Variants in ULK4 observed in about 807,000 individuals in gnomAD.
The protein encoded by ULK4 is inactive serine/threonine-protein kinase ULK4.
Under a neutral mutation model 160.6 loss-of-function variants are expected in ULK4, and 133 were observed. The ratio of observed to expected loss-of-function variants is 0.83; its 90% CI spans 0.72 to 0.96. The LOEUF (loss-of-function observed/expected upper bound fraction) is 0.96, where lower values mean the gene tolerates loss of function less well. Ranked by LOEUF, ULK4 falls within the 40% of genes least tolerant of loss-of-function variation. ULK4 has a pLI of 0.00. For missense variants in ULK4, 1,580 were observed against 1,499.5 expected (o/e 1.05, Z -0.89); for synonymous variants, 534 against 539.8 (o/e 0.99, Z 0.15).
At chr3:41,300,837 T>TTATATATATATATATATA (rs66602936) in intron 35 of ULK4, among the ~76,000 whole-genome samples, 1 of 57,872 alleles carries the variant, frequency 1.7e-5, no homozygotes, top group Non-Finnish European at 4.1e-5. Flanking sequence ...ATTTTACAGA[T>TTATATATATATATATATA]TATATATATA....
chr3:41,686,679 C>A (rs2125798609), intron 27 of ULK4, among the ~76,000 whole-genome samples: 1 of 152,250 alleles, frequency 6.6e-6, no homozygotes, highest in South Asian at 2.1e-4. Context: ...GGCCCCAAAT[C>A]CCTGGAGGTC....
At chr3:41,592,708 TTAA>T (rs2031435683) in intron 31 of ULK4, among the ~76,000 whole-genome samples, 2 of 152,204 alleles carry the variant, frequency 1.3e-5, no homozygotes, top group Non-Finnish European at 2.9e-5. Flanking sequence ...ACATTGAGAA[TTAA>T]TGTGTTTTAT....
At chr3:41,480,124 G>A (rs1014515640) in intron 32 of ULK4, among the ~76,000 whole-genome samples, 23 of 150,510 alleles carry the variant, frequency 1.5e-4, no homozygotes, top group Non-Finnish European at 1.2e-4. Flanking sequence ...GGAGAATGAC[G>A]TGAACCTGGG....
At chr3:41,890,322 G>T (rs1697873977) in intron 16 of ULK4, among the ~76,000 whole-genome samples, 2 of 152,046 alleles carry the variant, frequency 1.3e-5, no homozygotes, top group Non-Finnish European at 2.9e-5. Flanking sequence ...CATCCTGTAG[G>T]GGTTTCAGGA....
intron 17 of ULK4, among the ~76,000 whole-genome samples, chr3:41,842,320 GA>G (rs1000929462): frequency 1.3e-5 from 2 of 151,586 alleles, no homozygotes; most frequent in African/African-American, 2.4e-5. Context: ...AGGGAAAAAA[GA>G]AAAAAAATGG....
In ULK4 at chr3:41,715,582, C is replaced by T. The variant is rs377442990; in HGVS notation, c.2456-14G>A. 3.7e-6 allele frequency: 6 copies of T among 1,613,986 alleles called. No homozygotes were observed. The highest frequency in any genetic ancestry group is 5.1e-6 in the Non-Finnish European group (6 of 1,179,974). On this transcript the variant is annotated splice_polypyrimidine_tract_variant and intron_variant, in intron 23 of 36. Transcript: ENST00000301831. The stretch of plus-strand genomic sequence containing the variant: ...TAAGAATGTCACCTGTGAAGCACAG[C>T]CCAGAGCATATGTGGAGGTTAAAAA...
At chr3:41,920,806 T>C (rs1449021918) in intron 5 of ULK4, among the ~76,000 whole-genome samples, 4 of 152,230 alleles carry the variant, frequency 2.6e-5, no homozygotes, top group African/African-American at 9.6e-5. Flanking sequence ...AGTTCTCCCA[T>C]GGAGCATTTT....
intron 2 of ULK4, among the ~76,000 whole-genome samples, chr3:41,954,011 G>A (rs548967948): frequency 1.4e-4 from 21 of 151,958 alleles, no homozygotes; most frequent in East Asian, 1.4e-3. Context: ...GTGAAACCCC[G>A]TCTTTACTAA....
At chr3:41,892,496 C>T (rs759569730) in intron 16 of ULK4, among the ~76,000 whole-genome samples, 1 of 152,116 alleles carries the variant, frequency 6.6e-6, no homozygotes, top group African/African-American at 2.4e-5. Flanking sequence ...ATGCATACAA[C>T]GGAATATTAT....
chr3:41,352,179 C>T (rs951585032), intron 35 of ULK4, among the ~76,000 whole-genome samples: 1 of 152,126 alleles, frequency 6.6e-6, no homozygotes, highest in Admixed American at 6.5e-5. Context: ...TTCACTTGAC[C>T]GCAGGCTTCC....
chr3:41,592,504 T>A (rs1478268830), intron 31 of ULK4, among the ~76,000 whole-genome samples: 1 of 152,108 alleles, frequency 6.6e-6, no homozygotes, highest in African/African-American at 2.4e-5. Context: ...ATCTCACAGA[T>A]CACCTGAGAA....
chr3:41,389,581 AG>A (rs1282735287), intron 35 of ULK4, among the ~76,000 whole-genome samples: 12 of 152,160 alleles, frequency 7.9e-5, no homozygotes, highest in South Asian at 2.1e-4. Flanking sequence ...ATTAGCATGA[AG>A]GGTTGTTGAA....
chr3:41,717,660 A>C, intron 23 of ULK4, 68 bp downstream of exon 23: 1 of 1,551,134 alleles, frequency 6.4e-7, no homozygotes, highest in Non-Finnish European at 8.8e-7. Context: ...AAAAGAACTG[A>C]TGCCTAAAAG....
At chr3:41,592,147 G>C (rs953059085) in intron 31 of ULK4, among the ~76,000 whole-genome samples, 1 of 152,232 alleles carries the variant, frequency 6.6e-6, no homozygotes, top group Non-Finnish European at 1.5e-5. Flanking sequence ...AACTGTAGAA[G>C]TGGGAAACGG....
At chr3:41,664,568 C>G (rs762127438) in intron 29 of ULK4, among the ~76,000 whole-genome samples, 1 of 152,076 alleles carries the variant, frequency 6.6e-6, no homozygotes, top group African/African-American at 2.4e-5. Flanking sequence ...ATCAAAATTC[C>G]AGATTCCCGG....
At chr3:41,489,724 C>G (rs946340826) in intron 32 of ULK4, among the ~76,000 whole-genome samples, 6 of 152,052 alleles carry the variant, frequency 3.9e-5, no homozygotes, top group African/African-American at 1.2e-4. Flanking sequence ...CTAGTAAATA[C>G]GAGTTCTCCT....
chr3:41,268,625 G>A (rs573309296), intron 35 of ULK4, among the ~76,000 whole-genome samples: 1 of 152,102 alleles, frequency 6.6e-6, no homozygotes, highest in African/African-American at 2.4e-5. Context: ...GGCCAACATG[G>A]TGAAACCCCA....
At chr3:41,752,348 T>C (rs560363650) in intron 22 of ULK4, among the ~76,000 whole-genome samples, 1 of 152,214 alleles carries the variant, frequency 6.6e-6, no homozygotes, top group African/African-American at 2.4e-5. Context: ...TAAAAATAAA[T>C]AGACACGAGC....
chr3:41,644,368 T>C (rs1455173729), intron 30 of ULK4, among the ~76,000 whole-genome samples: 2 of 152,180 alleles, frequency 1.3e-5, no homozygotes, highest in Non-Finnish European at 2.9e-5. Flanking sequence ...ATATGTCCCA[T>C]CAATACCTAA....
Sources: gnomAD v4.1 joint callset for allele counts (sites outside exome capture counted in the v4.1 genomes callset) on GRCh38, gnomAD v4.1.1 for gene constraint, MANE v1.5 for transcripts, NCBI Gene and HGNC (gene_info 2026-07-23, HGNC 2026-07-21) for gene names.